The following FKBP1B variants were observed in gnomAD, a reference collection of about 807,000 sequenced individuals.
FKBP1B encodes FKBP prolyl isomerase 1B.
Under a neutral mutation model 13.5 loss-of-function variants are expected in FKBP1B, and 4 were observed. That is an observed-to-expected ratio of 0.30 (90% CI 0.15 to 0.68). The LOEUF (loss-of-function observed/expected upper bound fraction) is 0.68. Ranked by LOEUF, FKBP1B falls within the 30% of genes least tolerant of loss-of-function variation. The pLI is 0.76. For missense variants in FKBP1B, 93 were observed against 136.2 expected (o/e 0.68, Z 1.58); for synonymous variants, 54 against 53.6 (o/e 1.01, Z -0.03).
chr2:24,063,455 G>GTTTTTTA lies in FKBP1B; in HGVS notation c.*263_*264insTTTTTTA. The GTTTTTTA allele has an allele frequency of 6.9e-6, 3 of 432,238 alleles. No individual in the cohort carries two copies. Among genetic ancestry groups the GTTTTTTA allele is most frequent in the Admixed American group, 4.1e-5 (1 of 24,456 alleles). 26.8% of individuals were successfully genotyped at this position (432,238 alleles called of 1,614,324 possible). On this transcript the variant is annotated 3_prime_UTR_variant, in exon 4 of 4. Coordinates refer to ENST00000380986, the MANE Select transcript of FKBP1B (RefSeq NM_004116.5). ...TGTGATGCATGTAGTAGCCTTTCCTGATGACAGAACACAGATCTCTTGTTC... is the reference window on the plus strand; with the variant it reads ...TGTGATGCATGTAGTAGCCTTTCCTGTTTTTTAATGACAGAACACAGATCTCTTGTTC...
chr2:24,060,877 G>T lies in FKBP1B; in HGVS notation c.149G>T (p.Arg50Ile). Reference sequence around the variant, plus strand: ...GACAGAAACAAACCTTTCAAGTTCAGAATTGGCAAACAGGAAGTCATCAAA... The same window carrying T: ...GACAGAAACAAACCTTTCAAGTTCATAATTGGCAAACAGGAAGTCATCAAA... ...SRDRNKPFKF[R>I]IGKQEVIKGF... Residue 50 changes from arginine (R) to isoleucine (I), a missense_variant, in exon 3 of 4, where the codon AGA (arginine) becomes ATA (isoleucine). Arg to Ile is a moderately conservative substitution (Grantham distance 97, BLOSUM62 -3). Transcript: ENST00000380986. 1 of 1,614,210 alleles carries T rather than the reference G, an allele frequency of 6.2e-7. No individual in the cohort carries two copies. The highest frequency in any genetic ancestry group is 8.5e-7 in the Non-Finnish European group (1 of 1,180,036).
At chr2:24,044,722 T>C (rs1372143547), upstream of FKBP1B, among the ~76,000 whole-genome samples, 3 of 151,892 alleles carry the variant, frequency 2.0e-5, no homozygotes, top group Non-Finnish European at 2.9e-5. Context: ...ACTTCTCCCT[T>C]TTTATTAGGG....
chr2:24,053,976 C>G, intron 2 of FKBP1B, 27 bp downstream of exon 2: 1 of 1,608,402 alleles, frequency 6.2e-7, no homozygotes, highest in Non-Finnish European at 8.5e-7. Context: ...CAGCCCCCAC[C>G]CAGTCCTTCC....
chr2:24,042,616 G>A, the FKBP1B span, among the ~76,000 whole-genome samples: 1 of 151,718 alleles, frequency 6.6e-6, no homozygotes, highest in African/African-American at 2.4e-5. Flanking sequence ...GGCTGAGGCA[G>A]GAGAATCGCT....
At chr2:24,053,603 T>C (rs1663979288) in intron 1 of FKBP1B, among the ~76,000 whole-genome samples, 1 of 150,620 alleles carries the variant, frequency 6.6e-6, no homozygotes, top group African/African-American at 2.5e-5. Context: ...CAACTGTAAA[T>C]GTCTGTGGAA....
chr2:24,042,296 G>GCA, the FKBP1B span, among the ~76,000 whole-genome samples: 1 of 152,028 alleles, frequency 6.6e-6, no homozygotes, highest in Non-Finnish European at 1.5e-5. Context: ...CCAGCACTTT[G>GCA]GGAGGCCGAG....
intron 3 of FKBP1B, among the ~76,000 whole-genome samples, chr2:24,062,003 G>A (rs1467726230): frequency 3.3e-5 from 5 of 152,054 alleles, no homozygotes; most frequent in Admixed American, 6.6e-5. Flanking sequence ...CCTAGTAGCT[G>A]GGACTACAGG....
At chr2:24,049,946 C>A in intron 1 of FKBP1B, 60 bp downstream of exon 1, 2 of 1,283,626 alleles carry the variant, frequency 1.6e-6, no homozygotes, top group Non-Finnish European at 2.0e-6. Flanking sequence ...GCCCGGAGGG[C>A]GGGGGTCTGA....
the FKBP1B span, among the ~76,000 whole-genome samples, chr2:24,035,791 C>A: frequency 1.3e-5 from 2 of 151,648 alleles, no homozygotes; most frequent in Non-Finnish European, 2.9e-5. Flanking sequence ...AAAAATTAGG[C>A]CGGGCGCAGT....
the FKBP1B span, among the ~76,000 whole-genome samples, chr2:24,040,074 T>C: frequency 6.6e-6 from 1 of 152,114 alleles, no homozygotes; most frequent in South Asian, 2.1e-4. Context: ...GTGCTGGGAT[T>C]ATAGGCATGA....
At chr2:24,055,678 C>G (rs559410951) in intron 2 of FKBP1B, among the ~76,000 whole-genome samples, 5 of 152,306 alleles carry the variant, frequency 3.3e-5, no homozygotes, top group Admixed American at 3.3e-4. Context: ...TTTTAACGTA[C>G]AAGTATGTTG....
intron 1 of FKBP1B, among the ~76,000 whole-genome samples, chr2:24,053,174 T>C (rs1210132138): frequency 1.3e-5 from 2 of 151,940 alleles, no homozygotes; most frequent in Non-Finnish European, 2.9e-5. Flanking sequence ...TGCAGTAGCA[T>C]GAACACAGCT....
At chr2:24,044,767 T>C (rs1238976654), upstream of FKBP1B, among the ~76,000 whole-genome samples, 2 of 149,210 alleles carry the variant, frequency 1.3e-5, no homozygotes, top group African/African-American at 5.0e-5. Context: ...TACCAGTCTC[T>C]ACTTTCCAAA....
intron 3 of FKBP1B, 99 bp downstream of exon 3, chr2:24,061,025 A>C: frequency 1.2e-6 from 1 of 840,358 alleles, no homozygotes; most frequent in Non-Finnish European, 1.9e-6. Context: ...ACAGACCACT[A>C]CTGCTTTGAC....
Position 24,063,145 on chromosome 2 carries a change from C to A in FKBP1B, c.280C>A (p.Pro94Thr), listed in dbSNP as rs1341516680. Residue 94 changes from proline (P) to threonine (T), a missense_variant, in exon 4 of 4, where the codon CCC becomes ACC. Coordinates refer to ENST00000380986, the MANE Select transcript of FKBP1B (RefSeq NM_004116.5). ...GATGHPGVIP[P>T]NATLIFDVEL... ...CACGGGCCACCCCGGTGTCATCCCTCCCAATGCCACCCTCATCTTTGACGT... is the reference window on the plus strand; with the variant it reads ...CACGGGCCACCCCGGTGTCATCCCTACCAATGCCACCCTCATCTTTGACGT... 1 of 1,611,488 alleles carries A rather than the reference C, an allele frequency of 6.2e-7. No homozygotes were observed. Among genetic ancestry groups the A allele is most frequent in the Admixed American group, 1.7e-5 (1 of 59,438 alleles).
At chr2:24,053,821 C>A in intron 1 of FKBP1B, 81 bp from the exon 2 acceptor site, 1 of 1,350,730 alleles carries the variant, frequency 7.4e-7, no homozygotes, top group Non-Finnish European at 1.1e-6. Context: ...CAGGCTGGAG[C>A]TCTTGGTCAG....
the FKBP1B span, chr2:24,037,998 G>A: frequency 6.2e-7 from 1 of 1,614,144 alleles, no homozygotes; most frequent in Non-Finnish European, 8.5e-7. Context: ...GAGGACTCTG[G>A]ATTTCTTTAA....
At chr2:24,051,663 T>C (rs2150960972) in intron 1 of FKBP1B, among the ~76,000 whole-genome samples, 1 of 152,332 alleles carries the variant, frequency 6.6e-6, no homozygotes, top group Non-Finnish European at 1.5e-5. Flanking sequence ...ATGTTACATG[T>C]TGTTCCCTCT....
At chr2:24,035,391 A>C in the FKBP1B span, among the ~76,000 whole-genome samples, 1 of 152,150 alleles carries the variant, frequency 6.6e-6, no homozygotes, top group Non-Finnish European at 1.5e-5. Context: ...AATAAAAATA[A>C]AAATGGTTAC....
Sources: allele counts gnomAD v4.1 joint callset (sites outside exome capture counted in the v4.1 genomes callset), GRCh38; gene constraint gnomAD v4.1.1; transcripts MANE v1.5; gene names NCBI Gene and HGNC (gene_info 2026-07-23, HGNC 2026-07-21).